Variants in TCOF1 observed in about 807,000 individuals in gnomAD.
TCOF1 encodes the protein treacle protein.
A neutral mutation model predicts 149.0 loss-of-function variants in TCOF1; 33 were observed. The observed-to-expected ratio is 0.22, with a 90% CI of 0.17 to 0.30. The LOEUF (loss-of-function observed/expected upper bound fraction) is 0.30, where lower values mean the gene tolerates loss of function less well. Ranked by LOEUF, TCOF1 falls within the 10% of genes least tolerant of loss-of-function variation. TCOF1 has a pLI of 1.00. For missense variants in TCOF1, 1,728 were observed against 1,840.7 expected (o/e 0.94, Z 1.12); for synonymous variants, 789 against 738.8 (o/e 1.07, Z -1.10).
At chr5:150,388,836 C>G (rs1329139427) in intron 18 of TCOF1, among the ~76,000 whole-genome samples, 1 of 152,076 alleles carries the variant, frequency 6.6e-6, no homozygotes, top group African/African-American at 2.4e-5. Context: ...GAGGGTAAGC[C>G]ACGAGAATCG....
chr5:150,378,754 G>C (rs111819541), intron 14 of TCOF1, 151 bp from the exon 15 acceptor site: 12 of 1,061,708 alleles, frequency 1.1e-5, no homozygotes, highest in African/African-American at 6.3e-5. Context: ...CTGAGGCCCA[G>C]TGAGATCAAG....
At chr5:150,384,820 T>A (rs965477472) in intron 17 of TCOF1, 1 of 985,374 alleles carries the variant, frequency 1.0e-6, no homozygotes, top group African/African-American at 1.7e-5. Context: ...TAATTATGAT[T>A]ATTTTCATTA....
intron 19 of TCOF1, among the ~76,000 whole-genome samples, chr5:150,390,434 A>G (rs956837545): frequency 1.3e-5 from 2 of 152,168 alleles, no homozygotes; most frequent in African/African-American, 2.4e-5. Context: ...GCCTGAATCT[A>G]AAAGCTGGGC....
At chr5:150,398,168 C>A (rs563748063) in intron 24 of TCOF1, among the ~76,000 whole-genome samples, 186 bp from the exon 25 acceptor site, 1 of 152,148 alleles carries the variant, frequency 6.6e-6, no homozygotes, top group African/African-American at 2.4e-5. Flanking sequence ...GCAATCCACC[C>A]GCCTCAGCCT....
intron 20 of TCOF1, 136 bp from the exon 21 acceptor site, chr5:150,391,821 G>A (rs755252299): frequency 1.3e-4 from 157 of 1,168,188 alleles, no homozygotes; most frequent in Non-Finnish European, 1.8e-4. Flanking sequence ...AGTACCTTTC[G>A]TAGTTGGAAG....
At chr5:150,393,575 G>T (rs748350200) in intron 23 of TCOF1, 23 bp downstream of exon 23, 8 of 1,614,034 alleles carry the variant, frequency 5.0e-6, no homozygotes, top group Non-Finnish European at 8.5e-7. Flanking sequence ...CTGCAGGAGG[G>T]ACATAGCAGG....
chr5:150,376,487 G>T lies in TCOF1; in HGVS notation c.2207G>T (p.Gly736Val). The T allele has an allele frequency of 6.2e-7, 1 of 1,614,142 alleles. No individual in the cohort carries two copies. The highest frequency in any genetic ancestry group is 1.1e-5 in the South Asian group (1 of 91,078). ...TCAGTGCCTGTCAAGGGGTCCTTGG[G>T]GCAAGGGACTGCTCCAGTACTCCCT... ...AASVPVKGSL[G>V]QGTAPVLPGK... Residue 736 changes from glycine (G) to valine (V), a missense_variant, in exon 14 of 27, where the codon GGG becomes GTG. Gly to Val is a moderately radical substitution (Grantham distance 109). Coordinates refer to ENST00000643257, the MANE Select transcript of TCOF1 (RefSeq NM_001371623.1).
chr5:150,372,316 G>A, intron 7 of TCOF1, 80 bp downstream of exon 7: 1 of 1,266,060 alleles, frequency 7.9e-7, no homozygotes, highest in Non-Finnish European at 1.1e-6. Context: ...GAGCACCTCT[G>A]CCACTGGAGT....
chr5:150,361,714 G>C (rs751387448), intron 2 of TCOF1, among the ~76,000 whole-genome samples: 2 of 152,220 alleles, frequency 1.3e-5, no homozygotes, highest in Non-Finnish European at 2.9e-5. Flanking sequence ...TCCAGGGGAA[G>C]CTTCCCTGAG....
At chr5:150,393,167 A>G in intron 22 of TCOF1, 1 of 630,722 alleles carries the variant, frequency 1.6e-6, no homozygotes, top group Non-Finnish European at 2.8e-6. Flanking sequence ...CCTGTCTAGA[A>G]AGTGTATTAA....
At chr5:150,393,754 CCA>C in intron 23 of TCOF1, 1 of 687,730 alleles carries the variant, frequency 1.5e-6, no homozygotes, top group Non-Finnish European at 2.4e-6. Flanking sequence ...TGGCTCATGC[CCA>C]TAATCCCAGC....
chr5:150,380,308 A>G (rs1439820318), intron 17 of TCOF1: 1 of 166,526 alleles, frequency 6.0e-6, no homozygotes, highest in Non-Finnish European at 1.3e-5. Flanking sequence ...CAGCTCTATA[A>G]GCTAGGCCAG....
chr5:150,388,944 C>T (rs993777155), intron 18 of TCOF1, among the ~76,000 whole-genome samples: 1 of 151,702 alleles, frequency 6.6e-6, no homozygotes, highest in Admixed American at 6.6e-5. Flanking sequence ...AGAAAGCAGG[C>T]AAAATAGAGA....
chr5:150,388,231 T>A, intron 18 of TCOF1, 143 bp downstream of exon 18: 2 of 1,119,636 alleles, frequency 1.8e-6, no homozygotes, highest in Non-Finnish European at 2.5e-6. Context: ...GGCCCTGCAT[T>A]AGCCATTCTG....
At chr5:150,392,953 C>T in intron 22 of TCOF1, 163 bp downstream of exon 22, 1 of 830,800 alleles carries the variant, frequency 1.2e-6, no homozygotes, top group Non-Finnish European at 2.0e-6. Flanking sequence ...GCCCAGCCAG[C>T]AGACCACAGC....
chr5:150,392,027 A>T lies in TCOF1; in HGVS notation c.3368A>T (p.Asn1123Ile). The T allele has an allele frequency of 6.2e-7, 1 of 1,614,216 alleles. No homozygotes were observed. The highest frequency in any genetic ancestry group is 8.5e-7 in the Non-Finnish European group (1 of 1,180,028). The change falls in exon 21 of 27, where the codon AAC (asparagine) becomes ATC (isoleucine). Residue 1123 changes from asparagine to isoleucine, a missense_variant. Coordinates refer to ENST00000643257, the MANE Select transcript of TCOF1 (RefSeq NM_001371623.1). ...ACCTCCGTCCAGGCCAAAGGGACCA[A>T]CAAGCTCAGAAAACCTAAGCTTCCT... ...QSTSVQAKGTNKLRKPKLPEV... is the reference protein window; with the variant it reads ...QSTSVQAKGTIKLRKPKLPEV...
chr5:150,392,898 C>G (rs1332827162), intron 22 of TCOF1, 108 bp downstream of exon 22: 29 of 1,340,988 alleles, frequency 2.2e-5, no homozygotes, highest in Non-Finnish European at 2.9e-5. Flanking sequence ...CCCCTCTCTT[C>G]ACAGAGGCCT....
intron 17 of TCOF1, chr5:150,385,127 ACAT>A (rs1766022262): frequency 8.3e-6 from 8 of 968,188 alleles, no homozygotes; most frequent in African/African-American, 3.5e-5. Context: ...GTGTATCAAA[ACAT>A]CATGTTATAT....
At chr5:150,399,495 C>T (rs1018483364) in intron 26 of TCOF1, among the ~76,000 whole-genome samples, 2 of 152,152 alleles carry the variant, frequency 1.3e-5, no homozygotes, top group Non-Finnish European at 2.9e-5. Context: ...TGGATCTATG[C>T]TTCCCTATGG....
Sources: allele counts gnomAD v4.1 joint callset (sites outside exome capture counted in the v4.1 genomes callset), GRCh38; gene constraint gnomAD v4.1.1; transcripts MANE v1.5; gene names NCBI Gene and HGNC (gene_info 2026-07-23, HGNC 2026-07-21).